The following TNFRSF21 variants were observed in gnomAD, a reference collection of about 807,000 sequenced individuals.
TNFRSF21 encodes the protein tumor necrosis factor receptor superfamily member 21.
TNFRSF21 carries 19 observed loss-of-function variants against 45.6 expected under a neutral mutation model. The observed-to-expected ratio is 0.42, with a 90% CI of 0.29 to 0.61. TNFRSF21 has a LOEUF of 0.61. Ranked by LOEUF, TNFRSF21 falls within the 20% of genes least tolerant of loss-of-function variation. TNFRSF21 has a pLI of 0.23. For missense variants in TNFRSF21, 737 were observed against 851.5 expected (o/e 0.87, Z 1.67); for synonymous variants, 314 against 335.5 (o/e 0.94, Z 0.70).
chr6:47,265,370 T>C (rs1762317203), intron 3 of TNFRSF21, among the ~76,000 whole-genome samples: 1 of 149,520 alleles, frequency 6.7e-6, no homozygotes, highest in African/African-American at 2.5e-5. Context: ...CTGAGCACAG[T>C]TTTTTTGTTT....
chr6:47,234,968 AG>A, intron 4 of TNFRSF21, 70 bp from the exon 5 acceptor site: 1 of 938,618 alleles, frequency 1.1e-6, no homozygotes. Context: ...CCCTCCTCAG[AG>A]GCTATTTTTT....
chr6:47,235,027 C>T (rs1764646743), intron 4 of TNFRSF21, 129 bp from the exon 5 acceptor site: 1 of 502,876 alleles, frequency 2.0e-6, no homozygotes, highest in South Asian at 5.2e-5. Flanking sequence ...TTCAGTTGAC[C>T]TTAACTTATT....
At chr6:47,304,632 CTT>C (rs71791281) in intron 1 of TNFRSF21, among the ~76,000 whole-genome samples, 6,567 of 152,278 alleles carry the variant, frequency 0.043, 479 homozygotes, top group African/African-American at 0.15. Flanking sequence ...GCTTGATAGA[CTT>C]TGTCTACATT....
Position 47,284,349 on chromosome 6 carries a change from T to G in TNFRSF21, c.832A>C (p.Asn278His). 1 of 1,577,204 alleles carries G rather than the reference T, an allele frequency of 6.3e-7. No individual in the cohort carries two copies. ...TCCTTCCCCCTTGCTGAGCTTGTGT[T>G]GTCAGGGACTGTCCCTTCCTGGATG... ...SSIQEGTVPD[N>H]TSSARGKEDV... The change falls in exon 3 of 6, where the codon AAC becomes CAC. Residue 278 changes from asparagine to histidine, a missense_variant. Coordinates refer to ENST00000296861, the MANE Select transcript of TNFRSF21 (RefSeq NM_014452.5).
At position 47,285,998 on chromosome 6, in the gene TNFRSF21, G is replaced by C. The variant is rs151242114; in HGVS notation, c.694C>G (p.Arg232Gly). Residue 232 changes from arginine (R) to glycine (G), a missense_variant, in exon 2 of 6, where the codon CGC (arginine) becomes GGC (glycine). Arg to Gly is a moderately radical substitution (Grantham distance 125). Coordinates refer to ENST00000296861, the MANE Select transcript of TNFRSF21 (RefSeq NM_014452.5). Reference protein sequence around the residue: ...SPSPGTAIFPRPEHMETHEVP... With the variant: ...SPSPGTAIFPGPEHMETHEVP... ...TCATGGGTTTCCATGTGCTCAGGGC[G>C]TGGAAAGATGGCTGTGCCAGGGGAA... The C allele has an allele frequency of 6.2e-7, 1 of 1,614,208 alleles. No individual in the cohort carries two copies.
chr6:47,269,672 AC>A (rs1325972203), intron 3 of TNFRSF21, among the ~76,000 whole-genome samples: 11 of 152,236 alleles, frequency 7.2e-5, no homozygotes, highest in Non-Finnish European at 1.6e-4. Context: ...ATAACTCTCA[AC>A]CAAGAGATAA....
At chr6:47,280,088 G>T (rs1172929049) in intron 3 of TNFRSF21, among the ~76,000 whole-genome samples, 1 of 152,196 alleles carries the variant, frequency 6.6e-6, no homozygotes, top group Non-Finnish European at 1.5e-5. Flanking sequence ...AGAGGTTTTT[G>T]TTCGCAAGAA....
At chr6:47,278,741 C>G (rs953186024) in intron 3 of TNFRSF21, among the ~76,000 whole-genome samples, 1 of 152,320 alleles carries the variant, frequency 6.6e-6, no homozygotes, top group East Asian at 1.9e-4. Flanking sequence ...TCCAGTTCTA[C>G]AGAATAAGAC....
chr6:47,309,686 C>T lies in TNFRSF21; in HGVS notation c.-175G>A. The T allele has an allele frequency of 1.0e-5, 10 of 967,214 alleles. No homozygotes were observed. The highest frequency in any genetic ancestry group is 1.4e-5 in the Non-Finnish European group (10 of 725,414). The allele number at this position is 967,214 out of a possible 1,614,324, so 59.9% of individuals were successfully genotyped here. ...GAGGAGGGAGGCGGCAAGGGAGGCT[C>T]TAGGGGCGCTCAGCACCTGCCCAGC... On this transcript the variant is annotated 5_prime_UTR_variant, in exon 1 of 6. Coordinates refer to ENST00000296861, the MANE Select transcript of TNFRSF21 (RefSeq NM_014452.5).
chr6:47,234,478 G>A (rs568226676), intron 5 of TNFRSF21, among the ~76,000 whole-genome samples, 192 bp downstream of exon 5: 28 of 152,336 alleles, frequency 1.8e-4, no homozygotes, highest in African/African-American at 6.7e-4. Context: ...TTTTGGAGGC[G>A]TGTCTTCGCC....
At chr6:47,300,111 G>A (rs73473694) in intron 1 of TNFRSF21, among the ~76,000 whole-genome samples, 6,212 of 152,242 alleles carry the variant, frequency 0.041, 418 homozygotes, top group African/African-American at 0.14. Flanking sequence ...ACACAGTGCC[G>A]ACTGGAGGGG....
intron 3 of TNFRSF21, among the ~76,000 whole-genome samples, chr6:47,271,594 A>C (rs936396638): frequency 6.6e-6 from 1 of 152,240 alleles, no homozygotes; most frequent in Non-Finnish European, 1.5e-5. Flanking sequence ...TGCTATGAAG[A>C]AACTGCATCA....
intron 3 of TNFRSF21, among the ~76,000 whole-genome samples, chr6:47,259,615 T>C (rs1765042148): frequency 6.6e-6 from 1 of 152,166 alleles, no homozygotes; most frequent in South Asian, 2.1e-4. Context: ...CCTCAAGTGA[T>C]CCACCTTCCT....
chr6:47,297,495 TC>T (rs1227466891), intron 1 of TNFRSF21, among the ~76,000 whole-genome samples: 1 of 150,880 alleles, frequency 6.6e-6, no homozygotes, highest in African/African-American at 2.4e-5. Context: ...TGATGGAAAA[TC>T]CTTTCTCTTT....
intron 3 of TNFRSF21, among the ~76,000 whole-genome samples, chr6:47,279,602 T>C (rs955014473): frequency 6.6e-6 from 1 of 152,270 alleles, no homozygotes; most frequent in African/African-American, 2.4e-5. Context: ...AAATCCTTAA[T>C]TTTTAATTAA....
At chr6:47,296,482 G>A (rs966350833) in intron 1 of TNFRSF21, among the ~76,000 whole-genome samples, 2 of 152,020 alleles carry the variant, frequency 1.3e-5, no homozygotes, top group African/African-American at 2.4e-5. Flanking sequence ...GATGATTGTC[G>A]GCTGGGGGCT....
At chr6:47,298,284 T>TAAAAAAAAA (rs558717941) in intron 1 of TNFRSF21, among the ~76,000 whole-genome samples, 1 of 74,408 alleles carries the variant, frequency 1.3e-5, no homozygotes. Context: ...TACAAAAAAT[T>TAAAAAAAAA]AAAAAAAAAA....
At chr6:47,233,996 T>C (rs1190522461) in intron 5 of TNFRSF21, among the ~76,000 whole-genome samples, 1 of 152,120 alleles carries the variant, frequency 6.6e-6, no homozygotes, top group East Asian at 1.9e-4. Flanking sequence ...AAACCTGTAG[T>C]TTTCTTTTTT....
intron 5 of TNFRSF21, 38 bp downstream of exon 5, chr6:47,234,632 T>G (rs1372280666): frequency 6.6e-7 from 1 of 1,525,944 alleles, no homozygotes; most frequent in Non-Finnish European, 9.0e-7. Flanking sequence ...CTTTGGGGGG[T>G]TTAAGTGCGT....
Sources: gnomAD v4.1 joint callset for allele counts (sites outside exome capture counted in the v4.1 genomes callset) on GRCh38, gnomAD v4.1.1 for gene constraint, MANE v1.5 for transcripts, NCBI Gene and HGNC (gene_info 2026-07-23, HGNC 2026-07-21) for gene names.